Variants in GSTA2 observed in about 807,000 individuals in gnomAD.
The protein encoded by GSTA2 is glutathione S-transferase alpha 2, also known as glutathione S-transferase A2.
GSTA2 carries 27 observed loss-of-function variants against 22.4 expected under a neutral mutation model. The ratio of observed to expected loss-of-function variants is 1.21; its 90% CI spans 0.89 to 1.67. GSTA2 has a LOEUF of 1.67. Among genes scored for constraint, GSTA2 ranks in the 40% most tolerant of loss-of-function variants. The pLI is 0.00. For synonymous variants in GSTA2, 121 were observed against 86.8 expected (o/e 1.39, Z -2.19); for missense variants, 302 against 260.2 (o/e 1.16, Z -1.11).
chr6:52,763,136 G>A (rs1762980604), intron 1 of GSTA2, among the ~76,000 whole-genome samples: 1 of 152,046 alleles, frequency 6.6e-6, no homozygotes, highest in Admixed American at 6.6e-5. Flanking sequence ...ACTTCTTCCA[G>A]CACTGATTAT....
intron 4 of GSTA2, 118 bp downstream of exon 4, chr6:52,754,825 A>C: frequency 7.4e-7 from 1 of 1,360,498 alleles, no homozygotes; most frequent in Non-Finnish European, 1.0e-6. Flanking sequence ...CTCAGCGTGC[A>C]TGCCCAAGGC....
At chr6:52,752,370 T>C (rs1171353014) in intron 5 of GSTA2, among the ~76,000 whole-genome samples, 4 of 152,220 alleles carry the variant, frequency 2.6e-5, no homozygotes, top group African/African-American at 9.6e-5. Context: ...AGAATCTTCC[T>C]CTGCATCCCA....
chr6:52,751,501 A>T, intron 6 of GSTA2, 76 bp downstream of exon 6: 2 of 1,607,320 alleles, frequency 1.2e-6, no homozygotes, highest in Admixed American at 1.7e-5. Context: ...AAACATGCTC[A>T]GTCCCAGGGC....
chr6:52,757,522 C>T (rs1297673452), intron 2 of GSTA2, among the ~76,000 whole-genome samples: 3 of 152,030 alleles, frequency 2.0e-5, no homozygotes, highest in Non-Finnish European at 2.9e-5. Context: ...GAAATATTAA[C>T]AATAATTATT....
At chr6:52,759,052 G>C (rs1445855864) in intron 1 of GSTA2, among the ~76,000 whole-genome samples, 2 of 151,968 alleles carry the variant, frequency 1.3e-5, no homozygotes, top group African/African-American at 4.8e-5. Context: ...AAATATGCAT[G>C]GTAATCTCTC....
chr6:52,754,668 T>C (rs1215757941), intron 4 of GSTA2, among the ~76,000 whole-genome samples: 1 of 152,144 alleles, frequency 6.6e-6, no homozygotes, highest in Non-Finnish European at 1.5e-5. Context: ...TTCCCCATCC[T>C]CCTCAGTTCA....
chr6:52,759,220 G>A (rs1225113430), intron 1 of GSTA2, among the ~76,000 whole-genome samples: 1 of 152,212 alleles, frequency 6.6e-6, no homozygotes, highest in African/African-American at 2.4e-5. Flanking sequence ...ATGTGTGCAT[G>A]CTCACTTGGT....
chr6:52,752,514 C>T (rs1762762792), intron 5 of GSTA2, among the ~76,000 whole-genome samples: 1 of 152,194 alleles, frequency 6.6e-6, no homozygotes, highest in Admixed American at 6.5e-5. Context: ...TGCCCCTGTT[C>T]AAAGTCCATG....
intron 3 of GSTA2, 33 bp downstream of exon 3, chr6:52,756,225 C>A (rs551396920): frequency 1.1e-5 from 16 of 1,515,824 alleles, no homozygotes; most frequent in Admixed American, 3.3e-5. Flanking sequence ...CTACTAGATA[C>A]CCTCATTAGA....
intron 1 of GSTA2, among the ~76,000 whole-genome samples, chr6:52,758,403 A>C (rs954354285): frequency 6.6e-6 from 1 of 152,060 alleles, no homozygotes; most frequent in African/African-American, 2.4e-5. Context: ...TTTTTCGTTA[A>C]TGAAATGGAA....
intron 5 of GSTA2, 127 bp from the exon 6 acceptor site, chr6:52,751,835 C>A (rs72934249): frequency 1.6e-4 from 218 of 1,339,092 alleles, no homozygotes; most frequent in Non-Finnish European, 2.2e-4. Context: ...GCAGAAATCC[C>A]GAGCTTTCTC....
intron 5 of GSTA2, among the ~76,000 whole-genome samples, chr6:52,752,399 A>G (rs1762760881): frequency 6.6e-6 from 1 of 152,160 alleles, no homozygotes; most frequent in Non-Finnish European, 1.5e-5. Context: ...CTCCTTTTAA[A>G]AAATACTGAT....
intron 1 of GSTA2, among the ~76,000 whole-genome samples, chr6:52,762,936 T>C (rs1762976091): frequency 1.3e-5 from 2 of 152,200 alleles, no homozygotes; most frequent in Admixed American, 6.5e-5. Flanking sequence ...AGAGACAGAA[T>C]ATGACTTGTC....
chr6:52,759,029 G>T (rs1274829833), intron 1 of GSTA2, among the ~76,000 whole-genome samples: 4 of 152,156 alleles, frequency 2.6e-5, no homozygotes, highest in African/African-American at 4.8e-5. Context: ...TATTTTCTAT[G>T]TTAGTGTTTC....
chr6:52,757,737 A>G (rs1238830807), intron 2 of GSTA2, 124 bp downstream of exon 2: 2 of 835,504 alleles, frequency 2.4e-6, no homozygotes, highest in Admixed American at 2.4e-5. Context: ...CTTTTTCTTA[A>G]TTACAGTCCC....
intron 5 of GSTA2, among the ~76,000 whole-genome samples, chr6:52,752,567 C>T (rs1762763398): frequency 6.6e-6 from 1 of 152,186 alleles, no homozygotes; most frequent in African/African-American, 2.4e-5. Flanking sequence ...GGTCCAGAGC[C>T]TTCCACAGCC....
chr6:52,761,676 G>A (rs1049285831), intron 1 of GSTA2, among the ~76,000 whole-genome samples: 3 of 150,450 alleles, frequency 2.0e-5, no homozygotes, highest in Non-Finnish European at 4.4e-5. Context: ...GCCTTGCTTA[G>A]CCCCATGAGG....
chr6:52,756,529 C>G (rs1266097059), intron 2 of GSTA2, among the ~76,000 whole-genome samples: 1 of 152,210 alleles, frequency 6.6e-6, no homozygotes, highest in Non-Finnish European at 1.5e-5. Flanking sequence ...TTCTAGTTCA[C>G]TTCACCTCCA....
chr6:52,750,423 G>T lies in GSTA2; in HGVS notation c.*154C>A. 1.6e-6 allele frequency: 1 copy of T among 632,518 alleles called. No individual in the cohort carries two copies. Among genetic ancestry groups the T allele is most frequent in the Non-Finnish European group, 2.6e-6 (1 of 386,486 alleles). 39.2% of individuals were successfully genotyped at this position (632,518 alleles called of 1,614,324 possible). A position where few individuals can be genotyped will look rare whatever the true frequency, so the allele number is the denominator to read the frequency against. ...GAGAAGAAATCAATTTTAACTAAGTGGGTGAATAGGAGTTGTATTATTTAA... is the reference window on the plus strand; with the variant it reads ...GAGAAGAAATCAATTTTAACTAAGTTGGTGAATAGGAGTTGTATTATTTAA... On this transcript the variant is annotated 3_prime_UTR_variant, in exon 7 of 7. Transcript: ENST00000493422.
Sources: gnomAD v4.1 joint callset for allele counts (sites outside exome capture counted in the v4.1 genomes callset) on GRCh38, gnomAD v4.1.1 for gene constraint, MANE v1.5 for transcripts, NCBI Gene and HGNC (gene_info 2026-07-23, HGNC 2026-07-21) for gene names.